The following AMN variants were observed in gnomAD, a reference collection of about 807,000 sequenced individuals.
The protein encoded by AMN is protein amnionless.
In AMN, 40 loss-of-function variants were observed where a neutral mutation model predicts 49.1. The observed-to-expected ratio is 0.81, with a 90% CI of 0.63 to 1.06. AMN has a LOEUF of 1.06. Ranked by LOEUF, AMN falls within the 50% of genes least tolerant of loss-of-function variation. The probability of loss-of-function intolerance (pLI) is 0.00; values close to 1 mark genes in which losing one functional copy is unlikely to be tolerated. For synonymous variants in AMN, 380 were observed against 313.3 expected (o/e 1.21, Z -2.25); for missense variants, 701 against 662.8 (o/e 1.06, Z -0.63).
In AMN at chr14:102,928,806, C is replaced by A. The variant is rs548672909; in HGVS notation, c.344C>A (p.Pro115Gln). 1.2e-6 allele frequency: 2 copies of A among 1,608,218 alleles called. No homozygotes were observed. Among genetic ancestry groups the A allele is most frequent in the South Asian group, 1.1e-5 (1 of 91,080 alleles). Residue 115 changes from proline to glutamine, a missense_variant, in exon 5 of 12, where the codon CCG (proline) becomes CAG (glutamine). Coordinates refer to ENST00000299155, the MANE Select transcript of AMN (RefSeq NM_030943.4). ...TCTGACCGCTTCTCCTGGCATGACC[C>A]GCACCTGTGGCGCTCTGGGGACGAG... ...RDSDRFSWHD[P>Q]HLWRSGDEAP...
In AMN at chr14:102,930,672, G is replaced by A; in HGVS notation, c.1354G>A (p.Glu452Lys). 3 of 1,588,768 alleles carry A rather than the reference G, an allele frequency of 1.9e-6. No homozygotes were observed. The highest frequency in any genetic ancestry group is 2.6e-6 in the Non-Finnish European group (3 of 1,169,098). ...CCCTCTGTTCGCCGGGGCCGAGGCC[G>A]AGGCCTGAGCGGCCGCCTGACCGTC... ...VNPLFAGAEA[E>K]A Residue 452 changes from glutamate (E) to lysine (K), a missense_variant, in exon 12 of 12, where the codon GAG (glutamate) becomes AAG (lysine). Coordinates refer to ENST00000299155, the MANE Select transcript of AMN (RefSeq NM_030943.4).
rs1891130896 is a variant in AMN, at chr14:102,923,985, G to T, written c.207+6G>T. The T allele has an allele frequency of 1.9e-6, 3 of 1,613,278 alleles. No individual in the cohort carries two copies. The South Asian group carries it at 3.3e-5, about 18-fold the overall frequency. On this transcript the variant is annotated splice_donor_region_variant and intron_variant, in intron 3 of 11. Transcript: ENST00000299155. The stretch of plus-strand genomic sequence containing the variant: ...GTCACGCCGTCTCAGACATGGTAAG[G>T]CCGGGCTGCTACTGCCACTGGGCTG...
Position 102,929,173 on chromosome 14 carries a change from G to A in AMN, c.566G>A (p.Arg189His), listed in dbSNP as rs746322796. ...LAVFLASRAG[R>H]LRFHGPGALS... ...GTTTTCCTGGCGTCCCGCGCGGGCC[G>A]CCTACGCTTCCACGGGCCGGGCGCG... The change falls in exon 6 of 12, where the codon CGC (arginine) becomes CAC (histidine). Residue 189 changes from arginine to histidine, a missense_variant. Coordinates refer to ENST00000299155, the MANE Select transcript of AMN (RefSeq NM_030943.4). 3.8e-6 allele frequency: 6 copies of A among 1,595,610 alleles called. No individual in the cohort carries two copies. Among genetic ancestry groups the A allele is most frequent in the Non-Finnish European group, 5.1e-6 (6 of 1,178,822 alleles).
In AMN at chr14:102,930,109, G is replaced by T; in HGVS notation, c.1006+23G>T. On this transcript the variant is annotated intron_variant, in intron 9 of 11. Transcript: ENST00000299155. ...ACGGTAACCGCGCCCGCCCCATCCC[G>T]CCCCGCCGCGCCTCGCCCCGCCGCG... 2 of 1,509,156 alleles carry T rather than the reference G, an allele frequency of 1.3e-6. No homozygotes were observed. The highest frequency in any genetic ancestry group is 1.8e-6 in the Non-Finnish European group (2 of 1,133,232). 93.5% of individuals were successfully genotyped at this position (1,509,156 alleles called of 1,614,324 possible).
chr14:102,930,363 G>A (rs1186714753), intron 10 of AMN, 36 bp downstream of exon 10: 1 of 1,469,258 alleles, frequency 6.8e-7, no homozygotes, highest in Non-Finnish European at 9.0e-7. Context: ...GGGGCTGGGG[G>A]TTGCTCCGAG....
In AMN at chr14:102,922,678, G is replaced by A. The variant is rs1336870649; in HGVS notation, c.-11G>A. 5 of 1,599,050 alleles carry A rather than the reference G, an allele frequency of 3.1e-6. No homozygotes were observed. The highest frequency in any genetic ancestry group is 4.3e-6 in the Non-Finnish European group (5 of 1,175,714). ...AAAGTCTCCTGGTGGGGTGCAAGGA[G>A]CCGAGGCGAGATGGGCGTCCTGGGC... On this transcript the variant is annotated 5_prime_UTR_variant, in exon 1 of 12. Transcript: ENST00000299155.
chr14:102,929,293 G>C (rs1368043723), intron 6 of AMN, 35 bp downstream of exon 6: 20 of 1,433,172 alleles, frequency 1.4e-5, no homozygotes, highest in Admixed American at 1.2e-4. Context: ...CGGGGGCCGC[G>C]CGAGGGTCGG....
Position 102,928,521 on chromosome 14 carries a change from G to A in AMN, c.295+8G>A. On this transcript the variant is annotated splice_region_variant and intron_variant, in intron 4 of 11. Coordinates refer to ENST00000299155, the MANE Select transcript of AMN (RefSeq NM_030943.4). ...ACCTGGACTGTGGCGCGGGTGAGGC[G>A]GTCGGGCAGGGGCGGGGCTCTGGAA... 1 of 1,602,660 alleles carries A rather than the reference G, an allele frequency of 6.2e-7. No homozygotes were observed. The highest frequency in any genetic ancestry group is 1.1e-5 in the South Asian group (1 of 90,350).
In AMN at chr14:102,928,409, G is replaced by T. The variant is rs1471369225; in HGVS notation, c.208-17G>T. The T allele has an allele frequency of 1.9e-6, 3 of 1,581,242 alleles. No homozygotes were observed. Among genetic ancestry groups the T allele is most frequent in the Admixed American group, 3.6e-5 (2 of 55,840 alleles). On this transcript the variant is annotated splice_polypyrimidine_tract_variant and intron_variant, in intron 3 of 11. Transcript: ENST00000299155. Reference sequence around the variant, plus strand: ...CGGACCCCCGCGTGGCGCCGCCTCAGCCCGTGTCTCTTGCAGCTCCTGCCG... The same window carrying T: ...CGGACCCCCGCGTGGCGCCGCCTCATCCCGTGTCTCTTGCAGCTCCTGCCG...
At chr14:102,925,828 G>A (rs1373802517) in intron 3 of AMN, among the ~76,000 whole-genome samples, 2 of 152,138 alleles carry the variant, frequency 1.3e-5, no homozygotes, top group South Asian at 2.1e-4. Flanking sequence ...ACCCAGAGCC[G>A]CCCAAGCACC....
In AMN at chr14:102,930,094, C is replaced by A. The variant is rs1051983737; in HGVS notation, c.1006+8C>A. On this transcript the variant is annotated splice_region_variant and intron_variant, in intron 9 of 11. Transcript: ENST00000299155. ...CGGACGTCGCCGAGAACGGTAACCGCGCCCGCCCCATCCCGCCCCGCCGCG... is the reference window on the plus strand; with the variant it reads ...CGGACGTCGCCGAGAACGGTAACCGAGCCCGCCCCATCCCGCCCCGCCGCG... 36 of 1,530,046 alleles carry A rather than the reference C, an allele frequency of 2.4e-5. No individual in the cohort carries two copies. The Middle Eastern group carries it at 1.6e-3, about 68-fold the overall frequency. The allele number at this position is 1,530,046 out of a possible 1,614,324, so 94.8% of individuals were successfully genotyped here.
At chr14:102,927,146 G>C (rs938631439) in intron 3 of AMN, among the ~76,000 whole-genome samples, 2 of 152,116 alleles carry the variant, frequency 1.3e-5, no homozygotes, top group Admixed American at 6.5e-5. Flanking sequence ...TGCCCGCTTC[G>C]GCCTTCCAAA....
intron 3 of AMN, among the ~76,000 whole-genome samples, chr14:102,925,825 G>A (rs1891174462): frequency 6.6e-6 from 1 of 152,178 alleles, no homozygotes; most frequent in African/African-American, 2.4e-5. Context: ...TTCACCCAGA[G>A]CCGCCCAAGC....
rs576779161 is a variant in AMN, at chr14:102,928,499, T to C, written c.281T>C (p.Leu94Pro). The C allele has an allele frequency of 1.2e-6, 2 of 1,608,266 alleles. No individual in the cohort carries two copies. Among genetic ancestry groups the C allele is most frequent in the East Asian group, 2.2e-5 (1 of 44,786 alleles). Residue 94 changes from leucine (L) to proline (P), a missense_variant, in exon 4 of 12, where the codon CTG (leucine) becomes CCG (proline). Coordinates refer to ENST00000299155, the MANE Select transcript of AMN (RefSeq NM_030943.4). ...GFGVSDVGSHLDCGAGEPAVF... is the reference protein window; with the variant it reads ...GFGVSDVGSHPDCGAGEPAVF... The stretch of plus-strand genomic sequence containing the variant: ...GGCGTCTCAGACGTGGGCTCGCACC[T>C]GGACTGTGGCGCGGGTGAGGCGGTC...
chr14:102,928,662 C>G (rs899727462), intron 4 of AMN, 96 bp from the exon 5 acceptor site: 4 of 1,509,724 alleles, frequency 2.6e-6, no homozygotes, highest in Non-Finnish European at 3.6e-6. Context: ...CGAAGCGGGG[C>G]TTGGGAGGTC....
At chr14:102,922,760 C>A in intron 1 of AMN, 29 bp downstream of exon 1, 2 of 1,564,790 alleles carry the variant, frequency 1.3e-6, no homozygotes, top group Non-Finnish European at 1.7e-6. Flanking sequence ...GGTGCGGGCC[C>A]GGACGGTAGC....
intron 9 of AMN, 21 bp downstream of exon 9, chr14:102,930,107 C>T (rs1257717027): frequency 6.6e-7 from 1 of 1,512,806 alleles, no homozygotes; most frequent in African/African-American, 1.4e-5. Context: ...CCGCCCCATC[C>T]CGCCCCGCCG....
rs1049041273 is a variant in AMN, at chr14:102,928,823, G to A, written c.361G>A (p.Gly121Arg). 3 of 1,607,120 alleles carry A rather than the reference G, an allele frequency of 1.9e-6. No homozygotes were observed. Among genetic ancestry groups the A allele is most frequent in the African/African-American group, 2.7e-5 (2 of 74,936 alleles). The change falls in exon 5 of 12, where the codon GGG becomes AGG. Residue 121 changes from glycine to arginine, a missense_variant. Gly to Arg is a moderately radical substitution (Grantham distance 125). Transcript: ENST00000299155. ...GCATGACCCGCACCTGTGGCGCTCT[G>A]GGGACGAGGCACCTGGCCTCTTCTT... ...SWHDPHLWRS[G>R]DEAPGLFFVD...
At position 102,930,660 on chromosome 14, in the gene AMN, G is replaced by GGGGCCTC. The variant is rs1566829819; in HGVS notation, c.1347_1348insTCGGGCC (p.Glu450SerfsTer?). ...TTACTTCGTCAACCCTCTGTTCGCC[G>GGGGCCTC]GGGCCGAGGCCGAGGCCTGAGCGGC... is the stretch of plus-strand genomic sequence containing the variant. On this transcript the variant is annotated frameshift_variant, in exon 12 of 12. Transcript: ENST00000299155. LOFTEE classifies it high-confidence loss of function. 1 of 1,594,912 alleles carries GGGGCCTC rather than the reference G, an allele frequency of 6.3e-7. No homozygotes were observed. The highest frequency in any genetic ancestry group is 8.5e-7 in the Non-Finnish European group (1 of 1,172,192).
Sources: gnomAD v4.1 joint callset for allele counts (sites outside exome capture counted in the v4.1 genomes callset) on GRCh38, gnomAD v4.1.1 for gene constraint, MANE v1.5 for transcripts, NCBI Gene and HGNC (gene_info 2026-07-23, HGNC 2026-07-21) for gene names.